The following IQCJ variants were observed in gnomAD, a reference collection of about 807,000 sequenced individuals.
IQCJ encodes IQ domain-containing protein J.
IQCJ carries 9 observed loss-of-function variants against 11.0 expected under a neutral mutation model. The observed-to-expected ratio is 0.82, with a 90% CI of 0.49 to 1.43. The LOEUF (loss-of-function observed/expected upper bound fraction) is 1.43, where lower values mean the gene tolerates loss of function less well. IQCJ is among the 40% of genes most tolerant of loss of function. The pLI, the probability that IQCJ is intolerant of heterozygous loss-of-function variation, is 0.00. For synonymous variants in IQCJ, 55 were observed against 51.3 expected (o/e 1.07, Z -0.31); for missense variants, 146 against 133.2 (o/e 1.10, Z -0.47).
At chr3:159,137,566 T>A (rs2108173192) in intron 1 of IQCJ, among the ~76,000 whole-genome samples, 1 of 152,322 alleles carries the variant, frequency 6.6e-6, no homozygotes, top group East Asian at 1.9e-4. Flanking sequence ...TGGGACAGTA[T>A]CTCTGTTTCA....
chr3:159,164,099 C>T (rs982722680), intron 1 of IQCJ, among the ~76,000 whole-genome samples: 3 of 152,114 alleles, frequency 2.0e-5, no homozygotes, highest in African/African-American at 4.8e-5. Flanking sequence ...AATAGCTTGG[C>T]AAGTTAAATT....
intron 1 of IQCJ, among the ~76,000 whole-genome samples, chr3:159,142,493 T>G (rs1411333239): frequency 6.6e-6 from 1 of 152,024 alleles, no homozygotes; most frequent in Non-Finnish European, 1.5e-5. Context: ...CTTGGCTCAC[T>G]GCAATGTCCA....
chr3:159,069,550 A>G, intron 1 of IQCJ, 109 bp downstream of exon 1: 1 of 1,462,404 alleles, frequency 6.8e-7, no homozygotes, highest in Non-Finnish European at 9.2e-7. Flanking sequence ...AAAAAATGTC[A>G]AAAAGAGCTT....
At chr3:159,148,499 CGAAA>C (rs1244316265) in intron 1 of IQCJ, among the ~76,000 whole-genome samples, 2 of 152,084 alleles carry the variant, frequency 1.3e-5, no homozygotes, top group Non-Finnish European at 2.9e-5. Context: ...GGGATATTCT[CGAAA>C]GAATCTGTAA....
intron 1 of IQCJ, among the ~76,000 whole-genome samples, chr3:159,217,435 C>G (rs955569565): frequency 6.6e-6 from 1 of 152,092 alleles, no homozygotes; most frequent in Non-Finnish European, 1.5e-5. Context: ...ATCATAGTGG[C>G]ATGAGAGTTT....
At chr3:159,129,721 T>A (rs1320153245) in intron 1 of IQCJ, among the ~76,000 whole-genome samples, 1 of 152,208 alleles carries the variant, frequency 6.6e-6, no homozygotes, top group Non-Finnish European at 1.5e-5. Context: ...TTGTTTCATT[T>A]TGAACTAATA....
intron 1 of IQCJ, among the ~76,000 whole-genome samples, chr3:159,184,162 C>T (rs764322763): frequency 6.6e-6 from 1 of 152,076 alleles, no homozygotes; most frequent in African/African-American, 2.4e-5. Flanking sequence ...CTTCATCTTA[C>T]ATCATTCTCC....
chr3:159,087,497 C>T (rs1716874570), intron 1 of IQCJ, among the ~76,000 whole-genome samples: 1 of 151,946 alleles, frequency 6.6e-6, no homozygotes, highest in African/African-American at 2.4e-5. Context: ...GGAATGGTAC[C>T]AAGTCCTCCT....
chr3:159,249,548 A>G (rs1727472158), intron 2 of IQCJ, among the ~76,000 whole-genome samples: 2 of 152,102 alleles, frequency 1.3e-5, no homozygotes, highest in Admixed American at 1.3e-4. Flanking sequence ...TAACAACTAT[A>G]CCCATTTGCC....
chr3:159,213,936 T>G (rs1005739637), intron 1 of IQCJ, among the ~76,000 whole-genome samples: 2 of 152,216 alleles, frequency 1.3e-5, no homozygotes, highest in African/African-American at 4.8e-5. Flanking sequence ...AATCTACTTT[T>G]GGGGCTTCTT....
At chr3:159,136,955 C>T (rs567595158) in intron 1 of IQCJ, among the ~76,000 whole-genome samples, 13 of 152,202 alleles carry the variant, frequency 8.5e-5, no homozygotes, top group Non-Finnish European at 1.5e-4. Context: ...TGCCAGTGAC[C>T]ACTGGTATTA....
chr3:159,161,735 A>G (rs548405856), intron 1 of IQCJ, among the ~76,000 whole-genome samples: 6 of 152,336 alleles, frequency 3.9e-5, no homozygotes, highest in African/African-American at 1.4e-4. Flanking sequence ...ATCCAGTTTC[A>G]GCTTTCTACC....
At chr3:159,076,961 G>A (rs1715964503) in intron 1 of IQCJ, among the ~76,000 whole-genome samples, 1 of 152,094 alleles carries the variant, frequency 6.6e-6, no homozygotes, top group Admixed American at 6.6e-5. Context: ...GGTATATAAA[G>A]TACTTAGAAC....
At chr3:159,128,583 C>T (rs1471611753) in intron 1 of IQCJ, among the ~76,000 whole-genome samples, 2 of 152,124 alleles carry the variant, frequency 1.3e-5, no homozygotes, top group African/African-American at 2.4e-5. Flanking sequence ...ACGCATGCCC[C>T]TCGTTTCTAG....
At chr3:159,182,419 T>C (rs1723139643) in intron 1 of IQCJ, among the ~76,000 whole-genome samples, 1 of 151,958 alleles carries the variant, frequency 6.6e-6, no homozygotes, top group South Asian at 2.1e-4. Flanking sequence ...CAGCAAATAT[T>C]TAATGAATTA....
chr3:159,081,883 A>G (rs1716338895), intron 1 of IQCJ, among the ~76,000 whole-genome samples: 1 of 152,170 alleles, frequency 6.6e-6, no homozygotes, highest in African/African-American at 2.4e-5. Flanking sequence ...TCTGTCATTA[A>G]TAAATAATCT....
intron 3 of IQCJ, 145 bp downstream of exon 3, chr3:159,252,952 A>G: frequency 2.6e-6 from 2 of 778,676 alleles, no homozygotes; most frequent in East Asian, 5.5e-5. Context: ...TCTAAGCAGG[A>G]ACACAGCTAC....
At chr3:159,168,052 A>G (rs73029415) in intron 1 of IQCJ, among the ~76,000 whole-genome samples, 3,531 of 152,250 alleles carry the variant, frequency 0.023, 140 homozygotes, top group African/African-American at 0.079. Flanking sequence ...CAATTCTAGG[A>G]CCATCTGTGG....
At chr3:159,189,562 A>G (rs1347798597) in intron 1 of IQCJ, among the ~76,000 whole-genome samples, 1 of 152,196 alleles carries the variant, frequency 6.6e-6, no homozygotes, top group Non-Finnish European at 1.5e-5. Context: ...GGAGTAGACA[A>G]TGAAGCTCTA....
Sources: gnomAD v4.1 joint callset for allele counts (sites outside exome capture counted in the v4.1 genomes callset) on GRCh38, gnomAD v4.1.1 for gene constraint, MANE v1.5 for transcripts, NCBI Gene and HGNC (gene_info 2026-07-23, HGNC 2026-07-21) for gene names.